Variants in DLG2 observed in about 807,000 individuals in gnomAD.
DLG2 encodes the protein disks large homolog 2.
A neutral mutation model predicts 132.5 loss-of-function variants in DLG2; 45 were observed. The ratio of observed to expected loss-of-function variants is 0.34; its 90% CI spans 0.27 to 0.44. The LOEUF (loss-of-function observed/expected upper bound fraction) is 0.44. Among genes scored for constraint, DLG2 ranks in the 20% least tolerant of loss-of-function variants. DLG2 has a pLI of 1.00. For missense variants in DLG2, 1,045 were observed against 1,196.9 expected (o/e 0.87, Z 1.87); for synonymous variants, 424 against 419.6 (o/e 1.01, Z -0.13).
intron 3 of DLG2, among the ~76,000 whole-genome samples, chr11:85,462,392 G>C (rs933310508): frequency 8.5e-5 from 13 of 152,140 alleles, no homozygotes; most frequent in Non-Finnish European, 1.6e-4. Flanking sequence ...CAAAGACTTG[G>C]AACCAACCCA....
chr11:85,127,328 T>C (rs769986013), intron 5 of DLG2, among the ~76,000 whole-genome samples: 1 of 145,540 alleles, frequency 6.9e-6, no homozygotes, highest in Non-Finnish European at 1.5e-5. Flanking sequence ...CCAACCCCAT[T>C]GTGGCTTTCA....
At chr11:84,977,451 G>A (rs1034899943) in intron 6 of DLG2, among the ~76,000 whole-genome samples, 4 of 152,092 alleles carry the variant, frequency 2.6e-5, no homozygotes, top group Admixed American at 6.5e-5. Context: ...CTTGTTGTGA[G>A]ATGAAGATTT....
intron 3 of DLG2, among the ~76,000 whole-genome samples, chr11:85,592,016 A>G (rs1448235626): frequency 1.3e-5 from 2 of 152,216 alleles, no homozygotes; most frequent in Admixed American, 1.3e-4. Flanking sequence ...CATTTTATAT[A>G]AAACCTTCTC....
intron 18 of DLG2, among the ~76,000 whole-genome samples, chr11:83,677,533 A>G (rs1221316228): frequency 4.9e-4 from 75 of 152,206 alleles, no homozygotes; most frequent in African/African-American, 1.8e-3. Flanking sequence ...AGGAAAGCAA[A>G]GTTGCAAGGT....
intron 3 of DLG2, among the ~76,000 whole-genome samples, chr11:85,583,316 T>A (rs1323828570): frequency 6.7e-6 from 1 of 149,770 alleles, no homozygotes; most frequent in Non-Finnish European, 1.5e-5. Flanking sequence ...CACACATGCA[T>A]CACCATGACC....
intron 6 of DLG2, among the ~76,000 whole-genome samples, chr11:85,029,763 A>T (rs1263142166): frequency 6.6e-6 from 1 of 152,166 alleles, no homozygotes; most frequent in Non-Finnish European, 1.5e-5. Context: ...TTGGCCAATT[A>T]AATGTAGCCA....
intron 6 of DLG2, among the ~76,000 whole-genome samples, chr11:84,995,036 C>T (rs572810156): frequency 6.6e-6 from 1 of 152,276 alleles, no homozygotes; most frequent in East Asian, 1.9e-4. Flanking sequence ...TGCTGAAAGA[C>T]CTGTGGTACC....
chr11:84,022,034 A>G (rs2095411413), intron 11 of DLG2, among the ~76,000 whole-genome samples: 1 of 152,068 alleles, frequency 6.6e-6, no homozygotes, highest in Non-Finnish European at 1.5e-5. Context: ...GGTGTGAGTC[A>G]CCCCACCTGG....
At chr11:83,477,658 T>C (rs945943562) in intron 22 of DLG2, among the ~76,000 whole-genome samples, 7 of 152,088 alleles carry the variant, frequency 4.6e-5, no homozygotes, top group African/African-American at 1.7e-4. Context: ...ATTACAATTA[T>C]TTAGCCATTT....
At chr11:84,782,424 A>C (rs1598010617) in intron 6 of DLG2, among the ~76,000 whole-genome samples, 2 of 147,600 alleles carry the variant, frequency 1.4e-5, no homozygotes, top group Admixed American at 6.8e-5. Context: ...TCTCTTTCCC[A>C]CTAACTACCC....
At chr11:85,494,740 T>C (rs2093634041) in intron 3 of DLG2, among the ~76,000 whole-genome samples, 1 of 152,036 alleles carries the variant, frequency 6.6e-6, no homozygotes, top group Non-Finnish European at 1.5e-5. Flanking sequence ...TAAAGAGTTT[T>C]GGCTTTAAAA....
chr11:85,292,658 G>GGAAGGAAGGAAGGTAGGA (rs1565279282), intron 3 of DLG2, among the ~76,000 whole-genome samples: 1 of 10,536 alleles, frequency 9.5e-5, no homozygotes, highest in East Asian at 2.9e-3. Flanking sequence ...GGAAGGAAGG[G>GGAAGGAAGGAAGGTAGGA]AGGGAGGGAG....
chr11:85,393,545 T>C (rs1019244344), intron 3 of DLG2, among the ~76,000 whole-genome samples: 12 of 151,616 alleles, frequency 7.9e-5, no homozygotes, highest in Non-Finnish European at 1.5e-4. Context: ...CAATTTGCAA[T>C]TGCAAAAAAT....
intron 6 of DLG2, among the ~76,000 whole-genome samples, chr11:85,028,891 C>T (rs1280017667): frequency 1.3e-5 from 2 of 152,172 alleles, no homozygotes; most frequent in African/African-American, 4.8e-5. Flanking sequence ...CCAACTGGCT[C>T]TGTGGAGCGC....
At chr11:83,862,099 C>T (rs2061550823) in intron 16 of DLG2, among the ~76,000 whole-genome samples, 1 of 152,050 alleles carries the variant, frequency 6.6e-6, no homozygotes, top group Non-Finnish European at 1.5e-5. Context: ...GGTATATATC[C>T]AAAAGAAAGG....
In DLG2 at chr11:85,019,930, G is replaced by A. The variant is rs148368746; in HGVS notation, c.357+91731C>T. On this transcript the variant is annotated intron_variant, in intron 6 of 27. Coordinates refer to ENST00000376104, the MANE Select transcript of DLG2 (RefSeq NM_001142699.3). Reference sequence around the variant, plus strand: ...GTGAATAGTGCCGCAGTAAACATACGTGTGCATGTGTCTTTATAGCAGCAT... The same window carrying A: ...GTGAATAGTGCCGCAGTAAACATACATGTGCATGTGTCTTTATAGCAGCAT... Among the ~76,000 whole-genome samples the A allele has an allele frequency of 5.1e-3, 771 of 152,220 alleles. 5 individuals carry two copies. Among genetic ancestry groups the A allele is most frequent in the African/African-American group, 0.017 (703 of 41,524 alleles).
Position 85,457,883 on chromosome 11 carries a change from A to G in DLG2, c.40+140774T>C, listed in dbSNP as rs73491974. The stretch of plus-strand genomic sequence containing the variant: ...CTTTAACATTTTTTCTTTCATTTCA[A>G]TGTTGAAGAATCTGATGATTATGTG... On this transcript the variant is annotated intron_variant, in intron 3 of 27. Coordinates refer to ENST00000376104, the MANE Select transcript of DLG2 (RefSeq NM_001142699.3). Among the ~76,000 whole-genome samples, 1,474 of 151,816 alleles carry G rather than the reference A, an allele frequency of 9.7e-3. 21 individuals carry two copies. Among genetic ancestry groups the G allele is most frequent in the African/African-American group, 0.034 (1,389 of 41,396 alleles).
intron 16 of DLG2, among the ~76,000 whole-genome samples, chr11:83,866,291 C>T (rs3793954): frequency 6.6e-6 from 1 of 152,004 alleles, no homozygotes; most frequent in East Asian, 1.9e-4. Flanking sequence ...GTGCAAATGT[C>T]AAGAAGAGGT....
chr11:83,543,966 C>T (rs977489600), intron 19 of DLG2, among the ~76,000 whole-genome samples: 2 of 152,152 alleles, frequency 1.3e-5, no homozygotes, highest in African/African-American at 2.4e-5. Context: ...ATCATTTATA[C>T]TGAACACCTG....
Sources: gnomAD v4.1 joint callset for allele counts (sites outside exome capture counted in the v4.1 genomes callset) on GRCh38, gnomAD v4.1.1 for gene constraint, MANE v1.5 for transcripts, NCBI Gene and HGNC (gene_info 2026-07-23, HGNC 2026-07-21) for gene names.